TASP1: variants seen among roughly 807,000 people sequenced by gnomAD.
TASP1 encodes threonine aspartase 1.
TASP1 carries 16 observed loss-of-function variants against 56.6 expected under a neutral mutation model. That is an observed-to-expected ratio of 0.28 (90% confidence interval 0.19 to 0.43). The LOEUF is 0.43. Ranked by LOEUF, TASP1 falls within the 20% of genes least tolerant of loss-of-function variation. The probability of loss-of-function intolerance (pLI) is 1.00; values close to 1 mark genes in which losing one functional copy is unlikely to be tolerated. For missense variants in TASP1, 393 were observed against 511.6 expected, an observed-to-expected ratio of 0.77 and a Z score of 2.24; for synonymous variants, 179 against 184.2, an observed-to-expected ratio of 0.97 and a Z score of 0.23.
the TASP1 span, among the ~76,000 whole-genome samples, chr20:13,227,942 T>C: frequency 6.6e-6 from 1 of 151,976 alleles, no homozygotes; most frequent in East Asian, 1.9e-4. Flanking sequence ...CTTATTTCTT[T>C]ATCTAGCTGC....
intron 13 of TASP1, among the ~76,000 whole-genome samples, chr20:13,409,612 T>C (rs1355963547): frequency 1.3e-5 from 2 of 152,162 alleles, no homozygotes; most frequent in Non-Finnish European, 2.9e-5. Flanking sequence ...TTCCTGGGTT[T>C]GAAATTATCT....
At chr20:13,221,972 G>A in the TASP1 span, 1 of 1,287,160 alleles carries the variant, frequency 7.8e-7, no homozygotes, top group South Asian at 2.4e-5. Flanking sequence ...GTGGGGCGGG[G>A]GTGCTGAGCT....
At chr20:13,548,125 C>T (rs1428576898) in intron 8 of TASP1, among the ~76,000 whole-genome samples, 3 of 152,156 alleles carry the variant, frequency 2.0e-5, no homozygotes, top group Admixed American at 2.0e-4. Flanking sequence ...ACAGCCATGT[C>T]TGCTCCCATA....
At chr20:13,547,802 A>G (rs2045859715) in intron 8 of TASP1, among the ~76,000 whole-genome samples, 1 of 152,198 alleles carries the variant, frequency 6.6e-6, no homozygotes, top group African/African-American at 2.4e-5. Context: ...AAACAAGAAA[A>G]AAAAAAGTAG....
At chr20:13,121,566 C>T in the TASP1 span, among the ~76,000 whole-genome samples, 3 of 152,112 alleles carry the variant, frequency 2.0e-5, no homozygotes, top group African/African-American at 7.2e-5. Context: ...GTGGAAACCT[C>T]GATACGAGGA....
At chr20:13,394,710 G>C (rs2123599209) in intron 13 of TASP1, among the ~76,000 whole-genome samples, 1 of 152,092 alleles carries the variant, frequency 6.6e-6, no homozygotes, top group African/African-American at 2.4e-5. Flanking sequence ...TGGAGCTTTA[G>C]ATTCTCAGAT....
intron 8 of TASP1, among the ~76,000 whole-genome samples, chr20:13,540,010 C>A (rs568913225): frequency 1.4e-4 from 22 of 152,152 alleles, no homozygotes; most frequent in Non-Finnish European, 2.5e-4. Flanking sequence ...ACAGTAAATA[C>A]TATCACAAAA....
At chr20:13,596,244 G>A (rs772189734) in intron 4 of TASP1, among the ~76,000 whole-genome samples, 14 of 151,910 alleles carry the variant, frequency 9.2e-5, no homozygotes, top group Non-Finnish European at 1.3e-4. Context: ...GCATGGTGGC[G>A]CATGCCTGTA....
At position 13,393,355 on chromosome 20, in the gene TASP1, T is replaced by A. The variant is rs146671423; in HGVS notation, c.1171-2903A>T. 400 of 748,044 alleles carry A rather than the reference T, an allele frequency of 5.3e-4. 1 individual carries two copies. The African/African-American group carries it at 6.0e-3, about 11-fold the overall frequency. 46.3% of individuals were successfully genotyped at this position (748,044 alleles called of 1,614,324 possible). On this transcript the variant is annotated intron_variant, in intron 13 of 13. Coordinates refer to ENST00000337743, the MANE Select transcript of TASP1 (RefSeq NM_017714.3). ...GTCATCCCCGAGCTGAACAGGAAGC[T>A]CAATGGCATGGCCTTCCATGTCCCC...
intron 11 of TASP1, among the ~76,000 whole-genome samples, chr20:13,462,149 G>C (rs1392793712): frequency 6.6e-6 from 1 of 152,120 alleles, no homozygotes; most frequent in Non-Finnish European, 1.5e-5. Context: ...CTTCCAAAGA[G>C]AGGTTTTTAA....
chr20:13,185,656 T>G, the TASP1 span, among the ~76,000 whole-genome samples: 3 of 152,180 alleles, frequency 2.0e-5, no homozygotes, highest in African/African-American at 7.2e-5. Flanking sequence ...TGGAATTCTC[T>G]CTAAAATTTC....
At chr20:13,482,339 G>A (rs987510985) in intron 11 of TASP1, among the ~76,000 whole-genome samples, 13 of 152,106 alleles carry the variant, frequency 8.5e-5, no homozygotes, top group Non-Finnish European at 1.8e-4. Context: ...GTTATATAAT[G>A]TGATTCCTCC....
At chr20:13,446,168 T>G (rs76436030) in intron 11 of TASP1, among the ~76,000 whole-genome samples, 5,673 of 152,136 alleles carry the variant, frequency 0.037, 132 homozygotes, top group African/African-American at 0.058. Context: ...AAGCTAAAAT[T>G]TAGAGAAAAA....
chr20:13,152,511 C>A, the TASP1 span, among the ~76,000 whole-genome samples: 3 of 152,164 alleles, frequency 2.0e-5, no homozygotes, highest in African/African-American at 4.8e-5. Flanking sequence ...CAGTGTCCTG[C>A]GCAGTGGCTT....
chr20:13,137,927 C>T, the TASP1 span, among the ~76,000 whole-genome samples: 1 of 152,182 alleles, frequency 6.6e-6, no homozygotes, highest in Non-Finnish European at 1.5e-5. Context: ...TCAAGCTCAT[C>T]TCCCAGAACA....
intron 4 of TASP1, among the ~76,000 whole-genome samples, chr20:13,602,775 G>A (rs6134931): frequency 0.13 from 19,418 of 152,078 alleles, 1,410 homozygotes; most frequent in East Asian, 0.22. Context: ...GAGCTCAGGC[G>A]GTAATGCTCA....
At chr20:13,408,561 G>A (rs2042001004) in intron 13 of TASP1, among the ~76,000 whole-genome samples, 1 of 152,094 alleles carries the variant, frequency 6.6e-6, no homozygotes, top group African/African-American at 2.4e-5. Context: ...TGAAAGAAAT[G>A]GCATAAGATT....
At chr20:13,415,829 G>A (rs1373784929) in intron 13 of TASP1, among the ~76,000 whole-genome samples, 1 of 152,072 alleles carries the variant, frequency 6.6e-6, no homozygotes, top group East Asian at 1.9e-4. Flanking sequence ...CAGTGCTGAC[G>A]TCCACCTCAA....
Position 13,604,548 on chromosome 20 carries a change from C to T in TASP1, c.283-17178G>A, listed in dbSNP as rs140047752. 3.4e-3 allele frequency among the ~76,000 whole-genome samples: 522 copies of T among 152,232 alleles called. 3 individuals are homozygous for T. Among genetic ancestry groups the T allele is most frequent in the African/African-American group, 0.012 (494 of 41,530 alleles). ...AAACCTCTTTTCTTTATAAATTATC[C>T]AGCCTCAGGTATTCCTTTATAGCAA... On this transcript the variant is annotated intron_variant, in intron 4 of 13. Coordinates refer to ENST00000337743, the MANE Select transcript of TASP1 (RefSeq NM_017714.3).
Sources: gnomAD v4.1 joint callset for allele counts (sites outside exome capture counted in the v4.1 genomes callset) on GRCh38, gnomAD v4.1.1 for gene constraint, MANE v1.5 for transcripts, NCBI Gene and HGNC (gene_info 2026-07-23, HGNC 2026-07-21) for gene names.